SOX5: variants seen among roughly 807,000 people sequenced by gnomAD.
SOX5 encodes the protein SRY-box transcription factor 5, also known as transcription factor SOX-5.
Under a neutral mutation model 92.0 loss-of-function variants are expected in SOX5, and 9 were observed. The observed-to-expected ratio is 0.10, with a 90% CI of 0.06 to 0.17. The LOEUF (loss-of-function observed/expected upper bound fraction) is 0.17. Ranked by LOEUF, SOX5 falls within the 10% of genes least tolerant of loss-of-function variation. The probability of loss-of-function intolerance (pLI) is 1.00; values close to 1 mark genes in which losing one functional copy is unlikely to be tolerated. For missense variants in SOX5, 642 were observed against 944.5 expected, an observed-to-expected ratio of 0.68 and a Z score of 4.20; for synonymous variants, 344 against 336.3, an observed-to-expected ratio of 1.02 and a Z score of -0.25.
chr12:23,713,527 C>T (rs949469233), intron 6 of SOX5, among the ~76,000 whole-genome samples: 1 of 151,834 alleles, frequency 6.6e-6, no homozygotes, highest in African/African-American at 2.4e-5. Flanking sequence ...TAATTCAGCC[C>T]TAGGGAATTT....
intron 1 of SOX5, among the ~76,000 whole-genome samples, chr12:24,373,162 A>G (rs1461227481): frequency 1.3e-5 from 2 of 152,050 alleles, no homozygotes; most frequent in African/African-American, 2.4e-5. Flanking sequence ...CCATATGTTC[A>G]GTGCAAAGTC....
chr12:23,882,981 A>G (rs1277894517), intron 2 of SOX5, among the ~76,000 whole-genome samples: 1 of 152,114 alleles, frequency 6.6e-6, no homozygotes, highest in African/African-American at 2.4e-5. Context: ...GGAGATCGAG[A>G]CCATCCTGGC....
chr12:23,835,641 A>G (rs1263429092), intron 3 of SOX5, among the ~76,000 whole-genome samples: 2 of 151,910 alleles, frequency 1.3e-5, no homozygotes, highest in African/African-American at 4.8e-5. Context: ...GTAGAAAACT[A>G]CTGATCACTA....
chr12:23,851,829 A>G (rs569148786), intron 2 of SOX5, among the ~76,000 whole-genome samples: 1 of 152,200 alleles, frequency 6.6e-6, no homozygotes, highest in Admixed American at 6.5e-5. Context: ...AGGGATCCTT[A>G]GTGCCTAAAC....
chr12:24,246,390 G>A (rs1387244753), intron 3 of SOX5, among the ~76,000 whole-genome samples: 4 of 151,356 alleles, frequency 2.6e-5, no homozygotes, highest in Non-Finnish European at 4.4e-5. Flanking sequence ...AAAAATTCAA[G>A]GAAATTACAA....
At chr12:24,242,046 C>T (rs1183005585) in intron 3 of SOX5, among the ~76,000 whole-genome samples, 1 of 152,168 alleles carries the variant, frequency 6.6e-6, no homozygotes, top group Non-Finnish European at 1.5e-5. Flanking sequence ...GTTAAGACTG[C>T]AACTTTTTCT....
intron 4 of SOX5, among the ~76,000 whole-genome samples, chr12:24,206,594 A>G (rs1432286337): frequency 6.6e-6 from 1 of 151,596 alleles, no homozygotes; most frequent in Admixed American, 6.6e-5. Flanking sequence ...TCCCCCCAAG[A>G]ATCCTTTTTA....
At chr12:24,430,826 A>G (rs1938156087) in intron 1 of SOX5, among the ~76,000 whole-genome samples, 1 of 152,172 alleles carries the variant, frequency 6.6e-6, no homozygotes, top group African/African-American at 2.4e-5. Flanking sequence ...AAGATACTGG[A>G]CCAGACAGTA....
At chr12:24,125,163 T>G (rs1948994250) in intron 4 of SOX5, among the ~76,000 whole-genome samples, 1 of 152,230 alleles carries the variant, frequency 6.6e-6, no homozygotes, top group South Asian at 2.1e-4. Context: ...ATGAATTTAT[T>G]ACATAGGCCA....
At chr12:23,647,974 G>T (rs939713179) in intron 7 of SOX5, among the ~76,000 whole-genome samples, 1 of 152,130 alleles carries the variant, frequency 6.6e-6, no homozygotes, top group Non-Finnish European at 1.5e-5. Flanking sequence ...TCTGTCTCGT[G>T]CAAGAGGCCT....
chr12:24,043,293 G>A (rs1956691674), intron 4 of SOX5, among the ~76,000 whole-genome samples: 1 of 152,110 alleles, frequency 6.6e-6, no homozygotes, highest in Admixed American at 6.6e-5. Flanking sequence ...GAGACTAACT[G>A]GTATTTATTT....
intron 3 of SOX5, among the ~76,000 whole-genome samples, chr12:24,240,427 A>T (rs1018250533): frequency 2.0e-5 from 3 of 152,208 alleles, no homozygotes; most frequent in Non-Finnish European, 4.4e-5. Context: ...ACTTTTCCGT[A>T]CAAAGATGCA....
At chr12:24,272,384 C>A (rs139573513) in intron 3 of SOX5, among the ~76,000 whole-genome samples, 2 of 152,086 alleles carry the variant, frequency 1.3e-5, no homozygotes, top group Non-Finnish European at 2.9e-5. Flanking sequence ...TTCTTTACTG[C>A]ATTGACTAGG....
chr12:24,173,469 G>A (rs551359206), intron 4 of SOX5, among the ~76,000 whole-genome samples: 1 of 152,326 alleles, frequency 6.6e-6, no homozygotes, highest in African/African-American at 2.4e-5. Flanking sequence ...CCTAATCAAT[G>A]TATAAATGAG....
At chr12:23,714,881 TCTATGCATATAGTAAGGTACAC>T (rs1286387364) in intron 6 of SOX5, among the ~76,000 whole-genome samples, 3 of 152,210 alleles carry the variant, frequency 2.0e-5, no homozygotes, top group Non-Finnish European at 4.4e-5. Flanking sequence ...TGATCAAATT[TCTATGCATATAGTAAGGTACAC>T]CTATGCATAT....
intron 6 of SOX5, among the ~76,000 whole-genome samples, chr12:23,701,120 T>C (rs1490057543): frequency 1.3e-5 from 2 of 152,038 alleles, no homozygotes; most frequent in Non-Finnish European, 2.9e-5. Flanking sequence ...CTCAGGAAAT[T>C]TGAGTTGGCT....
At chr12:23,706,567 T>TA (rs960761510) in intron 6 of SOX5, among the ~76,000 whole-genome samples, 10 of 151,960 alleles carry the variant, frequency 6.6e-5, no homozygotes, top group East Asian at 1.9e-4. Context: ...TCCAGCTAGG[T>TA]AAAAAAACAT....
At chr12:23,781,128 T>G (rs1343426901) in intron 3 of SOX5, among the ~76,000 whole-genome samples, 1 of 152,012 alleles carries the variant, frequency 6.6e-6, no homozygotes, top group Non-Finnish European at 1.5e-5. Context: ...GAGACAACAG[T>G]CCCCATATTT....
At chr12:23,949,088 C>T (rs1945110313) in intron 1 of SOX5, among the ~76,000 whole-genome samples, 1 of 152,072 alleles carries the variant, frequency 6.6e-6, no homozygotes, top group South Asian at 2.1e-4. Context: ...GAGCAGCTTC[C>T]AAAGTTTTAC....
Sources: gnomAD v4.1 joint callset for allele counts (sites outside exome capture counted in the v4.1 genomes callset) on GRCh38, gnomAD v4.1.1 for gene constraint, MANE v1.5 for transcripts, NCBI Gene and HGNC (gene_info 2026-07-23, HGNC 2026-07-21) for gene names.